Variants in L3MBTL4 observed in about 807,000 individuals in gnomAD.
L3MBTL4 encodes the protein L3MBTL histone methyl-lysine binding protein 4.
A neutral mutation model predicts 84.5 loss-of-function variants in L3MBTL4; 70 were observed. The observed-to-expected ratio is 0.83, with a 90% CI of 0.68 to 1.01. L3MBTL4 has a LOEUF of 1.01. Ranked by LOEUF, L3MBTL4 falls within the 50% of genes least tolerant of loss-of-function variation. The pLI, the probability that L3MBTL4 is intolerant of heterozygous loss-of-function variation, is 0.00. For synonymous variants in L3MBTL4, 274 were observed against 259.8 expected (o/e 1.05, Z -0.52); for missense variants, 715 against 754.8 (o/e 0.95, Z 0.62).
chr18:6,286,692 ACT>A (rs2049606337), intron 4 of L3MBTL4, among the ~76,000 whole-genome samples: 1 of 152,070 alleles, frequency 6.6e-6, no homozygotes. Context: ...TCCAAAGCTG[ACT>A]CACACTAGCA....
At chr18:6,159,427 T>A (rs1423169114) in intron 13 of L3MBTL4, among the ~76,000 whole-genome samples, 1 of 152,224 alleles carries the variant, frequency 6.6e-6, no homozygotes, top group Non-Finnish European at 1.5e-5. Flanking sequence ...GAGGTTTGGA[T>A]CTGATAAGTC....
At chr18:6,362,401 A>G (rs1047652066) in intron 1 of L3MBTL4, among the ~76,000 whole-genome samples, 2 of 152,200 alleles carry the variant, frequency 1.3e-5, no homozygotes, top group African/African-American at 4.8e-5. Flanking sequence ...CACGTAGACC[A>G]TCTTTATACT....
intron 1 of L3MBTL4, among the ~76,000 whole-genome samples, chr18:6,349,641 G>C: frequency 6.6e-6 from 1 of 152,092 alleles, no homozygotes; most frequent in East Asian, 1.9e-4. Context: ...AATCACTTGA[G>C]CTCAGGGGAT....
At chr18:6,095,055 G>A (rs977228135) in intron 14 of L3MBTL4, among the ~76,000 whole-genome samples, 2 of 152,154 alleles carry the variant, frequency 1.3e-5, no homozygotes, top group East Asian at 1.9e-4. Flanking sequence ...CAGTGAAGAC[G>A]TTAAGACATA....
chr18:6,163,472 A>C (rs1442370718), intron 13 of L3MBTL4, among the ~76,000 whole-genome samples: 1 of 152,182 alleles, frequency 6.6e-6, no homozygotes, highest in African/African-American at 2.4e-5. Context: ...ACAACCTATA[A>C]TAAGCTATAT....
chr18:5,956,168 T>C lies in L3MBTL4; in HGVS notation c.*52A>G, dbSNP rs2095225473. 2 of 1,488,338 alleles carry C rather than the reference T, an allele frequency of 1.3e-6. No homozygotes were observed. Among genetic ancestry groups the C allele is most frequent in the Admixed American group, 1.8e-5 (1 of 55,462 alleles). 92.2% of individuals were successfully genotyped at this position (1,488,338 alleles called of 1,614,324 possible). A position where few individuals can be genotyped will look rare whatever the true frequency, so the allele number is the denominator to read the frequency against. Reference sequence around the variant, plus strand: ...ACATCAAATTAATGTGCTCCACTTTTATTGCTGAAAGAGCGCAGGTCTTGG... The same window carrying C: ...ACATCAAATTAATGTGCTCCACTTTCATTGCTGAAAGAGCGCAGGTCTTGG... On this transcript the variant is annotated 3_prime_UTR_variant, in exon 19 of 19. Coordinates refer to ENST00000317931, the MANE Select transcript of L3MBTL4 (RefSeq NM_001330559.2).
intron 1 of L3MBTL4, among the ~76,000 whole-genome samples, chr18:6,387,951 G>T (rs1456708339): frequency 6.6e-6 from 1 of 152,130 alleles, no homozygotes; most frequent in Non-Finnish European, 1.5e-5. Context: ...AGTCACAGAG[G>T]TATAGACACA....
intron 13 of L3MBTL4, among the ~76,000 whole-genome samples, chr18:6,160,445 G>A (rs923728643): frequency 1.3e-5 from 2 of 152,132 alleles, no homozygotes; most frequent in Admixed American, 1.3e-4. Context: ...CAAACGCACA[G>A]AGTTGGCCAG....
intron 15 of L3MBTL4, among the ~76,000 whole-genome samples, chr18:6,089,128 A>T (rs1379107939): frequency 6.6e-6 from 1 of 152,180 alleles, no homozygotes; most frequent in Non-Finnish European, 1.5e-5. Context: ...CCTGAAAAAA[A>T]AGTCCCCCTC....
At chr18:6,071,773 G>GAAA (rs1307430729) in intron 16 of L3MBTL4, among the ~76,000 whole-genome samples, 3 of 90,822 alleles carry the variant, frequency 3.3e-5, no homozygotes, top group African/African-American at 1.1e-4. Flanking sequence ...AAGAAAGAAA[G>GAAA]AAAGAAAGAA....
At chr18:6,055,624 C>T (rs985469370) in intron 16 of L3MBTL4, among the ~76,000 whole-genome samples, 2 of 152,180 alleles carry the variant, frequency 1.3e-5, no homozygotes, top group East Asian at 1.9e-4. Context: ...ACTTGTTATT[C>T]TCCAACCCTC....
intron 3 of L3MBTL4, among the ~76,000 whole-genome samples, chr18:6,308,379 T>C (rs979043206): frequency 2.0e-5 from 3 of 152,204 alleles, no homozygotes. Context: ...TGATACCTAG[T>C]GGTTTATCAA....
At chr18:6,034,818 T>C (rs2056037494) in intron 16 of L3MBTL4, among the ~76,000 whole-genome samples, 1 of 149,994 alleles carries the variant, frequency 6.7e-6, no homozygotes, top group Non-Finnish European at 1.5e-5. Context: ...TGTTGTTTCC[T>C]GACTTTTTAA....
At position 6,123,548 on chromosome 18, in the gene L3MBTL4, G is replaced by A. The variant is rs57874682; in HGVS notation, c.1199+14646C>T. On this transcript the variant is annotated intron_variant, in intron 14 of 18. Transcript: ENST00000317931. ...TAAGATGTGCCTTTGCTACTCCTTC[G>A]CCTTCCACCATGATTGTGAGGCCTC... Among the ~76,000 whole-genome samples the A allele has an allele frequency of 3.0e-3, 450 of 152,036 alleles. 1 individual carries two copies. Among genetic ancestry groups the A allele is most frequent in the Middle Eastern group, 6.8e-3 (2 of 294 alleles).
intron 17 of L3MBTL4, among the ~76,000 whole-genome samples, chr18:5,963,458 T>C (rs2052167679): frequency 6.6e-6 from 1 of 152,190 alleles, no homozygotes; most frequent in Non-Finnish European, 1.5e-5. Flanking sequence ...CGTGGTGGCC[T>C]CCACCTGGCC....
chr18:6,320,730 T>A (rs1410742371), intron 1 of L3MBTL4, among the ~76,000 whole-genome samples: 1 of 152,132 alleles, frequency 6.6e-6, no homozygotes, highest in Non-Finnish European at 1.5e-5. Flanking sequence ...TTCACAAAAT[T>A]AGGAAAAACA....
At chr18:6,349,678 C>G (rs928073453) in intron 1 of L3MBTL4, among the ~76,000 whole-genome samples, 1 of 152,022 alleles carries the variant, frequency 6.6e-6, no homozygotes, top group African/African-American at 2.4e-5. Flanking sequence ...TGTGATTGCA[C>G]CACTGTACTC....
At chr18:6,045,612 C>T (rs2056583234) in intron 16 of L3MBTL4, among the ~76,000 whole-genome samples, 1 of 152,098 alleles carries the variant, frequency 6.6e-6, no homozygotes, top group Non-Finnish European at 1.5e-5. Flanking sequence ...TGAGACTCAC[C>T]ATCATGAGAA....
At chr18:6,337,399 C>T (rs2052394453) in intron 1 of L3MBTL4, among the ~76,000 whole-genome samples, 1 of 151,998 alleles carries the variant, frequency 6.6e-6, no homozygotes, top group South Asian at 2.1e-4. Flanking sequence ...ATGATACAGT[C>T]ATTAAACAGA....
Sources: gnomAD v4.1 joint callset for allele counts (sites outside exome capture counted in the v4.1 genomes callset) on GRCh38, gnomAD v4.1.1 for gene constraint, MANE v1.5 for transcripts, NCBI Gene and HGNC (gene_info 2026-07-23, HGNC 2026-07-21) for gene names.